Variants in MYOT observed in about 807,000 individuals in gnomAD.
MYOT encodes myotilin, also known as 57 kDa cytoskeletal protein.
In MYOT, 36 loss-of-function variants were observed where a neutral mutation model predicts 58.0. The ratio of observed to expected loss-of-function variants is 0.62; its 90% CI spans 0.48 to 0.82. The LOEUF (loss-of-function observed/expected upper bound fraction) is 0.82, where lower values mean the gene tolerates loss of function less well. MYOT is among the 40% of genes least tolerant of loss of function. MYOT has a pLI of 0.00. For missense variants in MYOT, 505 were observed against 592.1 expected (o/e 0.85, Z 1.53); for synonymous variants, 218 against 204.6 (o/e 1.07, Z -0.56).
Position 137,870,965 on chromosome 5 carries a change from C to G in MYOT, c.314C>G (p.Pro105Arg). The change falls in exon 2 of 10, where the codon CCT (proline) becomes CGT (arginine). Residue 105 changes from proline to arginine, a missense_variant. Pro to Arg is a moderately radical substitution (Grantham distance 103). Transcript: ENST00000239926. ...CTCAGCTCCATATTACCATCACAGC[C>G]TGATTACAATAGCAGTAAAATCCCT... ...SFLSSILPSQ[P>R]DYNSSKIPSA... The G allele has an allele frequency of 6.2e-7, 1 of 1,614,180 alleles. No homozygotes were observed. Among genetic ancestry groups the G allele is most frequent in the Non-Finnish European group, 8.5e-7 (1 of 1,180,020 alleles).
chr5:137,872,409 T>C (rs796853060), intron 2 of MYOT, among the ~76,000 whole-genome samples: 33 of 152,322 alleles, frequency 2.2e-4, no homozygotes, highest in African/African-American at 7.9e-4. Flanking sequence ...GTAAAGTCTT[T>C]CAATCATATT....
chr5:137,880,548 GA>G, intron 4 of MYOT: 3 of 381,438 alleles, frequency 7.9e-6, no homozygotes, highest in Non-Finnish European at 9.7e-6. Flanking sequence ...ATAGTCATCT[GA>G]AAAATGAACC....
intron 2 of MYOT, among the ~76,000 whole-genome samples, chr5:137,872,847 A>T (rs1755093636): frequency 1.3e-5 from 2 of 152,236 alleles, no homozygotes; most frequent in African/African-American, 4.8e-5. Flanking sequence ...AAAGCTTGCT[A>T]TGTGAAATTC....
chr5:137,883,743 G>T lies in MYOT; in HGVS notation c.1024+152G>T, dbSNP rs181085199. On this transcript the variant is annotated intron_variant, in intron 7 of 9. Coordinates refer to ENST00000239926, the MANE Select transcript of MYOT (RefSeq NM_006790.3). ...TGTCCATTTTTATCTACAAACCACA[G>T]GAAAAAATATATATATATACACACA... is the stretch of plus-strand genomic sequence containing the variant. 1.0e-3 allele frequency: 689 copies of T among 667,776 alleles called. 7 individuals are homozygous for T. In the Middle Eastern group the frequency reaches 0.022, roughly 22 times the overall value. The allele number at this position is 667,776 out of a possible 1,614,324, so 41.4% of individuals were successfully genotyped here.
At chr5:137,882,452 CTTT>C (rs538339394) in intron 6 of MYOT, among the ~76,000 whole-genome samples, 2 of 144,222 alleles carry the variant, frequency 1.4e-5, no homozygotes, top group African/African-American at 2.5e-5. Context: ...GTACAATGCC[CTTT>C]TTTTTTTTTT....
chr5:137,875,281 G>A (rs954364675), intron 2 of MYOT, among the ~76,000 whole-genome samples: 17 of 152,134 alleles, frequency 1.1e-4, no homozygotes, highest in African/African-American at 4.1e-4. Flanking sequence ...TTATAAGTGG[G>A]AGCTAAACAT....
At chr5:137,875,743 G>C (rs1463108986) in intron 2 of MYOT, 86 bp from the exon 3 acceptor site, 8 of 1,225,554 alleles carry the variant, frequency 6.5e-6, no homozygotes, top group Non-Finnish European at 8.4e-6. Flanking sequence ...GTAGTACTAA[G>C]TGGTAAACTC....
intron 6 of MYOT, among the ~76,000 whole-genome samples, chr5:137,882,337 T>C (rs1755462705): frequency 6.6e-6 from 1 of 152,146 alleles, no homozygotes. Context: ...ATCTGTAAAA[T>C]GGGATAACAA....
intron 2 of MYOT, among the ~76,000 whole-genome samples, chr5:137,871,282 A>T (rs1034107422): frequency 6.6e-5 from 10 of 152,212 alleles, no homozygotes; most frequent in Non-Finnish European, 1.3e-4. Flanking sequence ...ATCTTTGAAA[A>T]AAATAATTTC....
At position 137,883,507 on chromosome 5, in the gene MYOT, A is replaced by T; in HGVS notation, c.940A>T (p.Arg314Ter). ...GLHSLIFEVV[R>*]ASDAGAYACV... Reference sequence around the variant, plus strand: ...TCATTCACTCATCTTTGAAGTAGTCAGAGCTTCAGATGCAGGGGCTTATGC... The same window carrying T: ...TCATTCACTCATCTTTGAAGTAGTCTGAGCTTCAGATGCAGGGGCTTATGC... Residue 314 changes from arginine (R) to a stop codon, truncating the protein, a stop_gained, in exon 7 of 10, where the codon AGA becomes TGA. Coordinates refer to ENST00000239926, the MANE Select transcript of MYOT (RefSeq NM_006790.3). LOFTEE classifies it high-confidence loss of function. The T allele has an allele frequency of 6.2e-7, 1 of 1,614,188 alleles. No individual in the cohort carries two copies.
intron 2 of MYOT, among the ~76,000 whole-genome samples, chr5:137,871,755 C>T (rs1480457584): frequency 6.6e-6 from 1 of 152,156 alleles, no homozygotes; most frequent in African/African-American, 2.4e-5. Context: ...CTAGGAGAAC[C>T]TAGTATGAAA....
chr5:137,876,485 A>C (rs141859293), intron 3 of MYOT, among the ~76,000 whole-genome samples: 4 of 152,328 alleles, frequency 2.6e-5, no homozygotes, highest in Non-Finnish European at 5.9e-5. Flanking sequence ...AAGTTAGTAC[A>C]ATCAAATATT....
chr5:137,869,708 T>C (rs1754980125), intron 1 of MYOT, among the ~76,000 whole-genome samples: 4 of 151,844 alleles, frequency 2.6e-5, no homozygotes, highest in Admixed American at 2.6e-4. Flanking sequence ...TAGTCTAAAA[T>C]ACATACTAAA....
At chr5:137,885,892 C>T (rs1355446061) in intron 7 of MYOT, among the ~76,000 whole-genome samples, 156 bp from the exon 8 acceptor site, 1 of 143,416 alleles carries the variant, frequency 7.0e-6, no homozygotes, top group African/African-American at 2.6e-5. Flanking sequence ...AATGGTATAA[C>T]AAAATAGTAC....
intron 1 of MYOT, among the ~76,000 whole-genome samples, chr5:137,870,070 C>T (rs1044634735): frequency 8.1e-5 from 12 of 147,952 alleles, no homozygotes; most frequent in African/African-American, 3.0e-4. Context: ...GGGAGGATTG[C>T]TTGCAGCTAA....
At chr5:137,884,926 T>C (rs940080988) in intron 7 of MYOT, among the ~76,000 whole-genome samples, 4 of 152,178 alleles carry the variant, frequency 2.6e-5, no homozygotes, top group Non-Finnish European at 5.9e-5. Flanking sequence ...CAATACAAAA[T>C]CTTTAAGATT....
At chr5:137,885,762 A>G in intron 7 of MYOT, among the ~76,000 whole-genome samples, 1 of 124,724 alleles carries the variant, frequency 8.0e-6, no homozygotes, top group Non-Finnish European at 1.6e-5. Flanking sequence ...AAAGAGCGAG[A>G]CTCTGTCTCA....
At chr5:137,874,670 T>A (rs1414927486) in intron 2 of MYOT, among the ~76,000 whole-genome samples, 1 of 152,056 alleles carries the variant, frequency 6.6e-6, no homozygotes, top group East Asian at 1.9e-4. Flanking sequence ...TAGAAAAAAT[T>A]TAGGATCAAA....
chr5:137,887,509 A>AAC lies in MYOT; in HGVS notation c.*124_*125insAC. Reference sequence around the variant, plus strand: ...GTTTTAATTAGGTAATATAGTTAATATATATTTATAATATTATTTATCCTT... The same window carrying AAC: ...GTTTTAATTAGGTAATATAGTTAATAACTATATTTATAATATTATTTATCCTT... On this transcript the variant is annotated 3_prime_UTR_variant, in exon 10 of 10. Coordinates refer to ENST00000239926, the MANE Select transcript of MYOT (RefSeq NM_006790.3). 1.5e-6 allele frequency: 1 copy of AAC among 683,886 alleles called. No individual in the cohort carries two copies. The highest frequency in any genetic ancestry group is 2.2e-6 in the Non-Finnish European group (1 of 451,208). The allele number at this position is 683,886 out of a possible 1,614,324, so 42.4% of individuals were successfully genotyped here.
Sources: gnomAD v4.1 joint callset for allele counts (sites outside exome capture counted in the v4.1 genomes callset) on GRCh38, gnomAD v4.1.1 for gene constraint, MANE v1.5 for transcripts, NCBI Gene and HGNC (gene_info 2026-07-23, HGNC 2026-07-21) for gene names.